Variants in HYAL4 observed in about 807,000 individuals in gnomAD.
HYAL4 encodes hyaluronidase 4, also known as hyaluronidase-4.
A neutral mutation model predicts 35.2 loss-of-function variants in HYAL4; 37 were observed. That is an observed-to-expected ratio of 1.05 (90% CI 0.81 to 1.38). The LOEUF (loss-of-function observed/expected upper bound fraction) is 1.38, where lower values mean the gene tolerates loss of function less well. Among genes scored for constraint, HYAL4 ranks in the 40% most tolerant of loss-of-function variants. HYAL4 has a pLI of 0.00. For missense variants in HYAL4, 572 were observed against 572.4 expected, an observed-to-expected ratio of 1.00 and a Z score of 0.01; for synonymous variants, 198 against 203.2, an observed-to-expected ratio of 0.97 and a Z score of 0.22.
At chr7:123,785,987 A>G in the HYAL4 span, among the ~76,000 whole-genome samples, 1 of 151,490 alleles carries the variant, frequency 6.6e-6, no homozygotes, top group African/African-American at 2.4e-5. This position sits in a 1 kb window ranked among gnomAD's most constrained non-coding sequence, Gnocchi z 4.5. Context: ...ACAAACAACT[A>G]CAACTCCTTG....
chr7:123,770,568 T>C, the HYAL4 span, among the ~76,000 whole-genome samples: 1 of 152,030 alleles, frequency 6.6e-6, no homozygotes, highest in South Asian at 2.1e-4. Context: ...GTGGACAGTG[T>C]GAACAAAGGC....
chr7:123,874,907 T>G, intron 4 of HYAL4, 57 bp downstream of exon 4: 1 of 1,027,042 alleles, frequency 9.7e-7, no homozygotes, highest in Non-Finnish European at 1.5e-6. Flanking sequence ...ATTTCTCTGC[T>G]TTCTTGGAGA....
chr7:123,843,272 G>A (rs1012607611), upstream of HYAL4, among the ~76,000 whole-genome samples: 2 of 151,970 alleles, frequency 1.3e-5, no homozygotes, highest in Middle Eastern at 3.2e-3. Flanking sequence ...TAGTTTGGCT[G>A]GATATGAAAT....
At chr7:123,773,967 G>C in the HYAL4 span, among the ~76,000 whole-genome samples, 1 of 152,014 alleles carries the variant, frequency 6.6e-6, no homozygotes, top group East Asian at 1.9e-4. Flanking sequence ...GGCAGTGGGG[G>C]GTCAAGGGTG....
At chr7:123,836,399 T>C (rs1014511886) in intron 1 of HYAL4, among the ~76,000 whole-genome samples, 3 of 152,220 alleles carry the variant, frequency 2.0e-5, no homozygotes, top group East Asian at 3.9e-4. Context: ...GGATAGCTAC[T>C]CCTGCTCACT....
chr7:123,776,652 C>T, the HYAL4 span, among the ~76,000 whole-genome samples: 1 of 152,166 alleles, frequency 6.6e-6, no homozygotes, highest in Non-Finnish European at 1.5e-5. Context: ...CTCCTGGCCT[C>T]AAGCTGTCCT....
upstream of HYAL4, among the ~76,000 whole-genome samples, chr7:123,842,404 G>A (rs1325697592): frequency 6.6e-6 from 1 of 151,990 alleles, no homozygotes; most frequent in Non-Finnish European, 1.5e-5. Flanking sequence ...GCTGAGGAGT[G>A]CTTTACTTCC....
the HYAL4 span, among the ~76,000 whole-genome samples, chr7:123,765,085 ATCAG>A: frequency 6.6e-6 from 1 of 152,240 alleles, no homozygotes; most frequent in East Asian, 1.9e-4. Flanking sequence ...CATTTTGTTC[ATCAG>A]TCAGAATATG....
chr7:123,800,312 G>A, the HYAL4 span, among the ~76,000 whole-genome samples: 1 of 149,936 alleles, frequency 6.7e-6, no homozygotes, highest in African/African-American at 2.4e-5. Flanking sequence ...TGGGACTACG[G>A]GCACCCGCCA....
the HYAL4 span, among the ~76,000 whole-genome samples, chr7:123,820,237 A>G: frequency 2.7e-4 from 41 of 152,154 alleles, no homozygotes; most frequent in African/African-American, 8.9e-4. Flanking sequence ...ATAGAAATGC[A>G]TGTGGGAGAA....
intron 1 of HYAL4, among the ~76,000 whole-genome samples, chr7:123,839,782 T>A (rs1036807461): frequency 1.3e-5 from 2 of 152,218 alleles, no homozygotes; most frequent in Admixed American, 1.3e-4. Context: ...ATAGATATCT[T>A]CTTTTGTGAA....
chr7:123,851,763 G>A (rs1302772703), intron 2 of HYAL4, among the ~76,000 whole-genome samples: 1 of 152,096 alleles, frequency 6.6e-6, no homozygotes, highest in Non-Finnish European at 1.5e-5. Flanking sequence ...CCCAGTAATG[G>A]GATTGCTGGG....
At chr7:123,798,136 CTG>C in the HYAL4 span, among the ~76,000 whole-genome samples, 1 of 152,128 alleles carries the variant, frequency 6.6e-6, no homozygotes, top group Non-Finnish European at 1.5e-5. Context: ...ATTCAAGACT[CTG>C]TAATGCAATA....
chr7:123,788,565 C>G, the HYAL4 span, among the ~76,000 whole-genome samples: 3 of 152,034 alleles, frequency 2.0e-5, no homozygotes, highest in African/African-American at 4.8e-5. Context: ...CTCTTTGTAC[C>G]ACTGTGTCTC....
chr7:123,870,759 CAA>C (rs377084649), intron 3 of HYAL4, among the ~76,000 whole-genome samples: 27 of 85,862 alleles, frequency 3.1e-4, no homozygotes, highest in Admixed American at 5.2e-4. Context: ...AACTCCATCT[CAA>C]AAAAAAAAAA....
At chr7:123,807,167 GA>G in the HYAL4 span, among the ~76,000 whole-genome samples, 1 of 152,144 alleles carries the variant, frequency 6.6e-6, no homozygotes, top group African/African-American at 2.4e-5. Flanking sequence ...AATCTAATCT[GA>G]ACTGACCTGG....
intron 4 of HYAL4, chr7:123,875,894 A>T: frequency 2.6e-6 from 1 of 386,266 alleles, no homozygotes; most frequent in Non-Finnish European, 5.1e-6. Flanking sequence ...GTCCATGATG[A>T]TCTGATATTA....
the HYAL4 span, among the ~76,000 whole-genome samples, chr7:123,778,730 T>C: frequency 1.5e-4 from 23 of 152,184 alleles, no homozygotes; most frequent in Non-Finnish European, 3.2e-4. Context: ...CCACAGATTT[T>C]TGTACTGTAA....
At chr7:123,866,713 A>T (rs1171394995) in intron 2 of HYAL4, among the ~76,000 whole-genome samples, 3 of 152,162 alleles carry the variant, frequency 2.0e-5, no homozygotes, top group African/African-American at 7.2e-5. Flanking sequence ...ATGACTAAAA[A>T]ATAACTTGAC....
Sources: allele counts gnomAD v4.1 joint callset (sites outside exome capture counted in the v4.1 genomes callset), GRCh38; gene constraint gnomAD v4.1.1; non-coding constraint Gnocchi (gnomAD v3.1); transcripts MANE v1.5; gene names NCBI Gene and HGNC (gene_info 2026-07-23, HGNC 2026-07-21).